Variants in FSTL1 observed in about 807,000 individuals in gnomAD.
FSTL1 encodes follistatin like 1, also known as follistatin-related protein 1.
FSTL1 carries 24 observed loss-of-function variants against 45.9 expected under a neutral mutation model. The ratio of observed to expected loss-of-function variants is 0.52; its 90% CI spans 0.38 to 0.74. The LOEUF (loss-of-function observed/expected upper bound fraction) is 0.74, where lower values mean the gene tolerates loss of function less well. Ranked by LOEUF, FSTL1 falls within the 30% of genes least tolerant of loss-of-function variation. The pLI is 0.00. For synonymous variants in FSTL1, 120 were observed against 137.6 expected (o/e 0.87, Z 0.89); for missense variants, 340 against 381.8 (o/e 0.89, Z 0.91).
In FSTL1 at chr3:120,396,043, T is replaced by C. The variant is rs191367312; in HGVS notation, c.*909A>G. ...AAGGCACCCTTGCTCCTCTGGCAGA[T>C]AGTGGACTGCTGGAAGCTAGGGGGG... On this transcript the variant is annotated 3_prime_UTR_variant, in exon 11 of 11. Coordinates refer to ENST00000295633, the MANE Select transcript of FSTL1 (RefSeq NM_007085.5). The C allele has an allele frequency of 5.3e-4, 118 of 223,392 alleles. No individual in the cohort carries two copies. Among genetic ancestry groups the C allele is most frequent in the Non-Finnish European group, 9.3e-4 (107 of 114,912 alleles). The allele number at this position is 223,392 out of a possible 1,614,324, so 13.8% of individuals were successfully genotyped here.
At chr3:120,408,225 T>C (rs889430688) in intron 6 of FSTL1, among the ~76,000 whole-genome samples, 3 of 152,192 alleles carry the variant, frequency 2.0e-5, no homozygotes, top group Admixed American at 1.3e-4. Context: ...CTATGATGTG[T>C]TTTTCTGTAG....
intron 2 of FSTL1, among the ~76,000 whole-genome samples, chr3:120,449,384 G>T (rs1032275544): frequency 6.6e-6 from 1 of 152,226 alleles, no homozygotes; most frequent in Non-Finnish European, 1.5e-5. Flanking sequence ...TGGAAGTGGT[G>T]TGGGTTAATG....
intron 9 of FSTL1, among the ~76,000 whole-genome samples, chr3:120,402,012 AG>A (rs1373450991): frequency 1.1e-4 from 16 of 152,132 alleles, no homozygotes; most frequent in Non-Finnish European, 2.4e-4. Flanking sequence ...GTTCTTTGCT[AG>A]GGCTCGGCTT....
chr3:120,442,788 G>GAAAA (rs749297340), intron 2 of FSTL1, among the ~76,000 whole-genome samples: 18 of 53,250 alleles, frequency 3.4e-4, no homozygotes, highest in South Asian at 7.3e-4. Context: ...TCTCAAAAAA[G>GAAAA]AAAAAAAAAA....
At chr3:120,424,860 G>A (rs555997099) in intron 2 of FSTL1, among the ~76,000 whole-genome samples, 1 of 152,220 alleles carries the variant, frequency 6.6e-6, no homozygotes, top group East Asian at 1.9e-4. Flanking sequence ...TGATGAGTCA[G>A]TTATGGACGC....
intron 2 of FSTL1, among the ~76,000 whole-genome samples, chr3:120,440,719 GC>G (rs1559744892): frequency 2.6e-5 from 4 of 152,242 alleles, no homozygotes. Flanking sequence ...GATGAGTGAT[GC>G]AAAATAGTGT....
At chr3:120,420,239 T>C (rs1428193295) in intron 2 of FSTL1, among the ~76,000 whole-genome samples, 62 of 152,240 alleles carry the variant, frequency 4.1e-4, no homozygotes, top group Non-Finnish European at 4.4e-5. Context: ...ACTTCATGTA[T>C]GCGTAGATAA....
intron 2 of FSTL1, 94 bp downstream of exon 2, chr3:120,450,590 G>A (rs1199627654): frequency 7.8e-6 from 6 of 771,930 alleles, no homozygotes; most frequent in Non-Finnish European, 9.7e-6. Flanking sequence ...GCGCCACCCC[G>A]GGAGAGCATC....
At chr3:120,415,120 T>C (rs1937163360) in intron 3 of FSTL1, among the ~76,000 whole-genome samples, 1 of 120,186 alleles carries the variant, frequency 8.3e-6, no homozygotes, top group African/African-American at 4.4e-5. Context: ...ATGTTTGTTT[T>C]TCAAAAAAAA....
rs1377022925 is a variant in FSTL1 at position 120,395,988 on chromosome 3, T to C, written c.*964A>G. On this transcript the variant is annotated 3_prime_UTR_variant, in exon 11 of 11. Transcript: ENST00000295633. ...ATGTTTGGATCTTGAAAGTTTTTTA[T>C]GAAGATGCTTCTTCCCCTGGCTTCG... 1 of 291,400 alleles carries C rather than the reference T, an allele frequency of 3.4e-6. No homozygotes were observed. Among genetic ancestry groups the C allele is most frequent in the Non-Finnish European group, 6.5e-6 (1 of 153,152 alleles). 18.1% of individuals were successfully genotyped at this position (291,400 alleles called of 1,614,324 possible).
At chr3:120,438,236 T>A (rs919507983) in intron 2 of FSTL1, 4 of 150,028 alleles carry the variant, frequency 2.7e-5, no homozygotes, top group African/African-American at 7.3e-5. Flanking sequence ...AATCCCAAAC[T>A]GCACACTCTG....
intron 2 of FSTL1, among the ~76,000 whole-genome samples, chr3:120,429,017 A>G (rs1259299): frequency 0.3 from 45,238 of 152,172 alleles, 7,263 homozygotes; most frequent in Middle Eastern, 0.43. Context: ...CCAGGAAGAA[A>G]GTGGGGAAAA....
chr3:120,435,003 G>A (rs1937526834), intron 2 of FSTL1, among the ~76,000 whole-genome samples: 1 of 152,206 alleles, frequency 6.6e-6, no homozygotes, highest in African/African-American at 2.4e-5. Flanking sequence ...GAGCTCACAT[G>A]AGGTCAGGAG....
intron 2 of FSTL1, among the ~76,000 whole-genome samples, chr3:120,449,671 G>T (rs940325764): frequency 1.3e-5 from 2 of 152,128 alleles, no homozygotes; most frequent in Non-Finnish European, 2.9e-5. Context: ...TGAAGACCTT[G>T]TATGCATTTA....
intron 2 of FSTL1, among the ~76,000 whole-genome samples, chr3:120,444,821 C>T (rs1399458855): frequency 4.7e-5 from 7 of 149,724 alleles, no homozygotes; most frequent in Admixed American, 4.0e-4. Context: ...TTTTTACAGT[C>T]GTGAGAATAA....
Position 120,396,826 on chromosome 3 carries a change from A to C in FSTL1, c.*126T>G. On this transcript the variant is annotated 3_prime_UTR_variant, in exon 11 of 11. Coordinates refer to ENST00000295633, the MANE Select transcript of FSTL1 (RefSeq NM_007085.5). ...CTTTATTGCAAAACAAATAAACAAA[A>C]TAAAACTCATTGCTATATAAGCAAA... 1.3e-6 allele frequency: 1 copy of C among 742,568 alleles called. No individual in the cohort carries two copies. Among genetic ancestry groups the C allele is most frequent in the Non-Finnish European group, 2.4e-6 (1 of 417,066 alleles). 46.0% of individuals were successfully genotyped at this position (742,568 alleles called of 1,614,324 possible).
At chr3:120,412,198 G>A (rs1937071045) in intron 3 of FSTL1, among the ~76,000 whole-genome samples, 1 of 152,162 alleles carries the variant, frequency 6.6e-6, no homozygotes, top group African/African-American at 2.4e-5. Flanking sequence ...GCCTATCCTG[G>A]TCCAGGGTCA....
At chr3:120,447,744 GTTCAAGTGATT>G (rs1175801286) in intron 2 of FSTL1, among the ~76,000 whole-genome samples, 1 of 152,178 alleles carries the variant, frequency 6.6e-6, no homozygotes, top group Non-Finnish European at 1.5e-5. Context: ...AACCTCCTGG[GTTCAAGTGATT>G]TTCCTGCTTC....
chr3:120,434,850 C>T (rs967538921), intron 2 of FSTL1, among the ~76,000 whole-genome samples: 1 of 152,196 alleles, frequency 6.6e-6, no homozygotes, highest in Non-Finnish European at 1.5e-5. Context: ...CCTTGCCACA[C>T]ACTATGTACA....
Sources: gnomAD v4.1 joint callset for allele counts (sites outside exome capture counted in the v4.1 genomes callset) on GRCh38, gnomAD v4.1.1 for gene constraint, MANE v1.5 for transcripts, NCBI Gene and HGNC (gene_info 2026-07-23, HGNC 2026-07-21) for gene names.